LMAN1L: variants seen among roughly 807,000 people sequenced by gnomAD.
LMAN1L encodes lectin, mannose binding 1 like, also known as protein ERGIC-53-like.
A neutral mutation model predicts 58.3 loss-of-function variants in LMAN1L; 60 were observed. The observed-to-expected ratio is 1.03, with a 90% confidence interval of 0.84 to 1.27. The LOEUF (loss-of-function observed/expected upper bound fraction) is 1.27, where lower values mean the gene tolerates loss of function less well. Ranked by LOEUF, LMAN1L falls within the 50% of genes most tolerant of loss-of-function variation. The pLI, the probability that LMAN1L is intolerant of heterozygous loss-of-function variation, is 0.00. For missense variants in LMAN1L, 629 were observed against 674.0 expected, an observed-to-expected ratio of 0.93 and a Z score of 0.74; for synonymous variants, 280 against 271.6, an observed-to-expected ratio of 1.03 and a Z score of -0.31.
rs1596377027 is a variant in LMAN1L at position 74,813,374 on chromosome 15, G to T, written c.175+345G>T. 5 of 476,692 alleles carry T rather than the reference G, an allele frequency of 1.0e-5. No homozygotes were observed. In the East Asian group the frequency reaches 3.1e-4, roughly 30 times the overall value. The allele number at this position is 476,692 out of a possible 1,614,324, so 29.5% of individuals were successfully genotyped here. ...ACACTAAGTCCCAGGCACACAGAAG[G>T]CAATGTGGACCAGCACAAACCTCCA... On this transcript the variant is annotated intron_variant, in intron 1 of 13. Coordinates refer to ENST00000309664, the MANE Select transcript of LMAN1L (RefSeq NM_021819.3).
At chr15:74,814,149 A>G (rs1239661915) in intron 1 of LMAN1L, among the ~76,000 whole-genome samples, 1 of 148,052 alleles carries the variant, frequency 6.8e-6, no homozygotes, top group African/African-American at 2.5e-5. Flanking sequence ...AAAAGATGTG[A>G]GTTCTGAGAA....
chr15:74,816,185 G>T lies in LMAN1L; in HGVS notation c.204G>T (p.Arg68=), dbSNP rs1251120334. 8.4e-6 allele frequency: 13 copies of T among 1,554,600 alleles called. No homozygotes were observed. In the Admixed American group the frequency reaches 9.7e-5, roughly 12 times the overall value. Reference sequence around the variant, plus strand: ...CCATCCTGGGCCTGGAGGAAGTGCGGCTGACGCCATCCATGAGGAACCGGA... The same window carrying T: ...CCATCCTGGGCCTGGAGGAAGTGCGTCTGACGCCATCCATGAGGAACCGGA... ...GDAILGLEEV[R]LTPSMRNRSG... The change falls in exon 2 of 14, where the codon CGG becomes CGT. Residue 68 remains arginine, a synonymous_variant. Transcript: ENST00000309664.
rs776994173 is a variant in LMAN1L, at chr15:74,812,849, T to C, written c.-6T>C. 2 of 1,589,798 alleles carry C rather than the reference T, an allele frequency of 1.3e-6. No homozygotes were observed. The highest frequency in any genetic ancestry group is 8.6e-7 in the Non-Finnish European group (1 of 1,166,424). ...CCCCGGGGCCCAGACTTCAGGCGCC[T>C]TCACGATGCCGGCGGTCAGTGGTCC... On this transcript the variant is annotated 5_prime_UTR_variant, in exon 1 of 14. Coordinates refer to ENST00000309664, the MANE Select transcript of LMAN1L (RefSeq NM_021819.3).
At chr15:74,822,764 T>G in intron 11 of LMAN1L, 55 bp downstream of exon 11, 2 of 1,293,992 alleles carry the variant, frequency 1.5e-6, no homozygotes, top group Non-Finnish European at 2.2e-6. Context: ...CTTAAGTTCC[T>G]CCATTAGCCC....
At chr15:74,817,318 G>A (rs1054985778) in intron 4 of LMAN1L, among the ~76,000 whole-genome samples, 1 of 152,152 alleles carries the variant, frequency 6.6e-6, no homozygotes, top group Non-Finnish European at 1.5e-5. Flanking sequence ...TTATGAGGTC[G>A]TTCCAATTAC....
At chr15:74,823,950 T>C (rs2063929361) in intron 12 of LMAN1L, 1 of 522,442 alleles carries the variant, frequency 1.9e-6, no homozygotes, top group Non-Finnish European at 3.4e-6. Context: ...CTCGATCCAA[T>C]ATCCAATGAC....
At chr15:74,816,104 AGG>A (rs2063888774) in intron 1 of LMAN1L, 51 bp from the exon 2 acceptor site, 29 of 1,517,942 alleles carry the variant, frequency 1.9e-5, no homozygotes, top group Middle Eastern at 2.3e-4. Context: ...GAGAGAGTGA[AGG>A]GGGAGATGGG....
Position 74,824,354 on chromosome 15 carries a change from G to A in LMAN1L, c.1327G>A (p.Ala443Thr). The A allele has an allele frequency of 1.2e-6, 2 of 1,613,680 alleles. No homozygotes were observed. The highest frequency in any genetic ancestry group is 1.7e-6 in the Non-Finnish European group (2 of 1,179,794). ...ACCTTAGACTTTCCCCTTTCAGAAG[G>A]CAGCAGCCAAGGCCCCCCGCCCACC... The part of the protein sequence containing the change: ...LQEELRGPAK[A>T]AAKAPRPPGQ... The change falls in exon 13 of 14, where the codon GCA (alanine) becomes ACA (threonine). Residue 443 changes from alanine (A) to threonine (T), a missense_variant. Coordinates refer to ENST00000309664, the MANE Select transcript of LMAN1L (RefSeq NM_021819.3).
intron 7 of LMAN1L, 49 bp downstream of exon 7, chr15:74,820,148 C>G (rs1305266934): frequency 6.6e-7 from 1 of 1,517,938 alleles, no homozygotes; most frequent in Non-Finnish European, 9.2e-7. Context: ...GGGACCCTGC[C>G]CTCACCCATG....
At chr15:74,822,567 TGCC>T in intron 10 of LMAN1L, 72 bp from the exon 11 acceptor site, 2 of 1,207,490 alleles carry the variant, frequency 1.7e-6, no homozygotes, top group Non-Finnish European at 2.4e-6. Flanking sequence ...GAGGCTGCAG[TGCC>T]GCTGGGAAGG....
rs2063891353 is a variant in LMAN1L, at chr15:74,816,494, G to A, written c.398G>A (p.Gly133Asp). ...SVLGGLASWDGIGIFFDSPAE... is the reference protein window; with the variant it reads ...SVLGGLASWDDIGIFFDSPAE... ...CTTGGGGGGCTGGCTTCGTGGGACG[G>A]CATCGGGATCTTCTTTGACTCTCCG... Residue 133 changes from glycine to aspartate, a missense_variant, in exon 3 of 14, where the codon GGC becomes GAC. Around this residue, in one of 3 missense-constraint regions of LMAN1L, gnomAD observed 573 missense variants for 597.3 expected, o/e 0.96. Transcript: ENST00000309664. The A allele has an allele frequency of 6.4e-7, 1 of 1,550,560 alleles. No individual in the cohort carries two copies.
At chr15:74,825,134 G>A (rs1214017051) in intron 13 of LMAN1L, 1 of 185,218 alleles carries the variant, frequency 5.4e-6, no homozygotes, top group Non-Finnish European at 1.1e-5. Flanking sequence ...ATCTTTGTTG[G>A]TGGAATTTCA....
At chr15:74,816,048 C>T in intron 1 of LMAN1L, 109 bp from the exon 2 acceptor site, 1 of 1,344,354 alleles carries the variant, frequency 7.4e-7, no homozygotes, top group Non-Finnish European at 1.0e-6. Flanking sequence ...AATGGTAGGC[C>T]TTGGCATTGT....
At chr15:74,815,655 G>C (rs762633251) in intron 1 of LMAN1L, among the ~76,000 whole-genome samples, 3 of 152,232 alleles carry the variant, frequency 2.0e-5, no homozygotes, top group African/African-American at 4.8e-5. Flanking sequence ...ACAGCCTAGA[G>C]TCTTGGGCCT....
In LMAN1L at chr15:74,821,211, GC is replaced by G; in HGVS notation, c.1046del (p.Pro349LeufsTer51). The stretch of plus-strand genomic sequence containing the variant: ...AGCTGGGGCCCCCAGGCCAAGCCAG[GC>G]CTGACGGAGGCTGGGTGAGAAGCCC... ...KQLGPPGQAR[P>X]DGGWALDASC... On this transcript the variant is annotated frameshift_variant, in exon 9 of 14. Transcript: ENST00000309664. LOFTEE classifies it high-confidence loss of function. 2 of 1,549,540 alleles carry G rather than the reference GC, an allele frequency of 1.3e-6. No homozygotes were observed. Among genetic ancestry groups the G allele is most frequent in the African/African-American group, 2.7e-5 (2 of 73,160 alleles).
intron 13 of LMAN1L, chr15:74,824,931 CAT>C (rs1172470135): frequency 6.3e-6 from 1 of 158,914 alleles, no homozygotes; most frequent in East Asian, 1.8e-4. Context: ...ATGAGAAAAA[CAT>C]AATATTTTAG....
intron 5 of LMAN1L, 121 bp from the exon 6 acceptor site, chr15:74,819,031 G>A: frequency 8.1e-7 from 1 of 1,241,694 alleles, no homozygotes; most frequent in Admixed American, 2.2e-5. Context: ...CAGGAGTGCG[G>A]GTCACCTCCA....
At chr15:74,816,917 A>T (rs1368159842) in intron 4 of LMAN1L, among the ~76,000 whole-genome samples, 1 of 152,136 alleles carries the variant, frequency 6.6e-6, no homozygotes, top group Non-Finnish European at 1.5e-5. Context: ...TGTGATGAGT[A>T]TCTTTGCTCC....
In LMAN1L at chr15:74,816,089, CA is replaced by C. The variant is rs112360380; in HGVS notation, c.176-66del. On this transcript the variant is annotated intron_variant, in intron 1 of 13. Coordinates refer to ENST00000309664, the MANE Select transcript of LMAN1L (RefSeq NM_021819.3). ...TCTCTTCCGGGAGCCCAGCCCGGGCCAAGTGAGAGAGTGAAGGGGGAGATGG... is the reference window on the plus strand; with the variant it reads ...TCTCTTCCGGGAGCCCAGCCCGGGCCAGTGAGAGAGTGAAGGGGGAGATGG... 15,421 of 1,499,212 alleles carry C rather than the reference CA, an allele frequency of 0.01. 1,180 individuals carry two copies. The African/African-American group carries it at 0.18, about 17-fold the overall frequency. The allele number at this position is 1,499,212 out of a possible 1,614,324, so 92.9% of individuals were successfully genotyped here. A position where few individuals can be genotyped will look rare whatever the true frequency, so the allele number is the denominator to read the frequency against.
Sources: allele counts gnomAD v4.1 joint callset (sites outside exome capture counted in the v4.1 genomes callset), GRCh38; gene constraint gnomAD v4.1.1; regional missense constraint gnomAD v4.1.1; transcripts MANE v1.5; gene names NCBI Gene and HGNC (gene_info 2026-07-23, HGNC 2026-07-21).